SCG3: variants seen among roughly 807,000 people sequenced by gnomAD.
SCG3 encodes the protein secretogranin-3.
A neutral mutation model predicts 56.2 loss-of-function variants in SCG3; 38 were observed. The ratio of observed to expected loss-of-function variants is 0.68; its 90% confidence interval spans 0.52 to 0.89. The LOEUF is 0.89. Among genes scored for constraint, SCG3 ranks in the 40% least tolerant of loss-of-function variants. SCG3 has a pLI of 0.00. For missense variants in SCG3, 524 were observed against 540.7 expected (o/e 0.97, Z 0.31); for synonymous variants, 176 against 184.2 (o/e 0.96, Z 0.36).
intron 7 of SCG3, chr15:51,693,499 G>C (rs75488601): frequency 6.6e-6 from 1 of 152,272 alleles, no homozygotes; most frequent in African/African-American, 2.4e-5. Context: ...TGTGCAGTGA[G>C]TTAACTGAGG....
intron 10 of SCG3, among the ~76,000 whole-genome samples, chr15:51,706,444 G>C (rs182187168): frequency 1.5e-3 from 222 of 152,304 alleles, no homozygotes; most frequent in African/African-American, 5.2e-3. Context: ...GACATAGATA[G>C]AACAGGATCC....
rs1133882 is a variant in SCG3 at position 51,720,951 on chromosome 15, A to G, written c.*1425A>G. 0.48 allele frequency: 74,643 copies of G among 156,128 alleles called. 18,136 individuals are homozygous for G. Among genetic ancestry groups the G allele is most frequent in the Admixed American group, 0.55 (8,411 of 15,328 alleles). The allele number at this position is 156,128 out of a possible 1,614,324, so 9.7% of individuals were successfully genotyped here. On this transcript the variant is annotated 3_prime_UTR_variant, in exon 12 of 12. Coordinates refer to ENST00000220478, the MANE Select transcript of SCG3 (RefSeq NM_013243.4). ...AAATCTGGCCACCCCAGCCAGCAGC[A>G]GCAACCTGTTCAGGTCGCCTGCCGC...
At chr15:51,718,571 A>C (rs2055474476) in intron 11 of SCG3, among the ~76,000 whole-genome samples, 1 of 152,118 alleles carries the variant, frequency 6.6e-6, no homozygotes, top group Non-Finnish European at 1.5e-5. Context: ...CAACTAACAG[A>C]AAGCAGCGTT....
intron 10 of SCG3, among the ~76,000 whole-genome samples, chr15:51,706,476 G>T (rs1366192372): frequency 3.9e-5 from 6 of 152,106 alleles, no homozygotes; most frequent in Admixed American, 3.3e-4. Flanking sequence ...AAAGCTGGAG[G>T]ATGTTACAGA....
Position 51,689,314 on chromosome 15 carries a change from C to T in SCG3, c.636C>T (p.Pro212=), listed in dbSNP as rs955231129. The T allele has an allele frequency of 2.5e-6, 4 of 1,613,530 alleles. No homozygotes were observed. The African/African-American group carries it at 5.3e-5, about 22-fold the overall frequency. ...SKEANNYEED[P]NKPTSWTENQ... ...AAGCCAACAATTATGAGGAGGATCC[C>T]AATAAGCCCACAAGCTGGACTGAGA... The change falls in exon 6 of 12, where the codon CCC becomes CCT. Residue 212 remains proline, a synonymous_variant. Transcript: ENST00000220478.
At chr15:51,697,222 GCTTTGGGGTCTACTTTAT>G (rs2055309551) in intron 8 of SCG3, among the ~76,000 whole-genome samples, 16 of 142,978 alleles carry the variant, frequency 1.1e-4, no homozygotes, top group African/African-American at 4.8e-4. Context: ...TACACATAGT[GCTTTGGGGTCTACTTTAT>G]TGTTTTCACA....
At chr15:51,700,903 A>G (rs897444670) in intron 9 of SCG3, among the ~76,000 whole-genome samples, 1 of 152,124 alleles carries the variant, frequency 6.6e-6, no homozygotes, top group Admixed American at 6.5e-5. Flanking sequence ...GACTTTAGAC[A>G]TATCTCTCCC....
At chr15:51,685,342 G>C (rs1394626589) in intron 4 of SCG3, among the ~76,000 whole-genome samples, 3 of 152,202 alleles carry the variant, frequency 2.0e-5, no homozygotes, top group Non-Finnish European at 4.4e-5. Context: ...GAGTTGGCTG[G>C]ATTGGTCAAA....
At chr15:51,689,949 A>G (rs889114029) in intron 6 of SCG3, among the ~76,000 whole-genome samples, 4 of 152,232 alleles carry the variant, frequency 2.6e-5, no homozygotes, top group Admixed American at 2.6e-4. Context: ...AATAATACAT[A>G]ATAATATGTG....
intron 10 of SCG3, 104 bp downstream of exon 10, chr15:51,701,348 A>T: frequency 8.6e-7 from 1 of 1,163,390 alleles, no homozygotes; most frequent in Non-Finnish European, 1.2e-6. Context: ...ACATCTGAGA[A>T]ATTGACACAA....
chr15:51,698,552 T>A (rs1443147816), intron 8 of SCG3, among the ~76,000 whole-genome samples: 8 of 152,198 alleles, frequency 5.3e-5, no homozygotes, highest in Admixed American at 5.2e-4. Context: ...GAAATCAAAC[T>A]GTTTGGCTTA....
intron 10 of SCG3, among the ~76,000 whole-genome samples, chr15:51,710,312 T>A (rs1223032777): frequency 1.3e-5 from 2 of 152,046 alleles, no homozygotes; most frequent in Non-Finnish European, 2.9e-5. Flanking sequence ...AAATAAAGCA[T>A]GAAAGAGGAG....
chr15:51,688,303 C>T lies in SCG3; in HGVS notation c.441C>T (p.Thr147=), dbSNP rs747077628. 1.9e-5 allele frequency: 31 copies of T among 1,613,540 alleles called. No individual in the cohort carries two copies. Among genetic ancestry groups the T allele is most frequent in the Middle Eastern group, 1.6e-4 (1 of 6,082 alleles). The change falls in exon 5 of 12, where the codon ACC becomes ACT. Residue 147 remains threonine (T), a synonymous_variant. Coordinates refer to ENST00000220478, the MANE Select transcript of SCG3 (RefSeq NM_013243.4). ...GLHQLDGTPL[T]AEDIVHKIAA... ...ATCAACTAGACGGGACTCCTTTAAC[C>T]GCTGAAGACATTGTCCATAAAATCG...
In SCG3 at chr15:51,688,554, T is replaced by A. The variant is rs961871306; in HGVS notation, c.540+152T>A. On this transcript the variant is annotated intron_variant, in intron 5 of 11. Coordinates refer to ENST00000220478, the MANE Select transcript of SCG3 (RefSeq NM_013243.4). ...TTTAAGGACAAGCAAAGCACCATTC[T>A]TTTTTTTCTAGGAGTTTATCATCCA... 5 of 624,352 alleles carry A rather than the reference T, an allele frequency of 8.0e-6. No individual in the cohort carries two copies. The African/African-American group carries it at 9.4e-5, about 12-fold the overall frequency. The allele number at this position is 624,352 out of a possible 1,614,324, so 38.7% of individuals were successfully genotyped here.
At chr15:51,687,993 A>C (rs988041460) in intron 4 of SCG3, among the ~76,000 whole-genome samples, 1 of 152,190 alleles carries the variant, frequency 6.6e-6, no homozygotes, top group Non-Finnish European at 1.5e-5. Flanking sequence ...GATAACAATA[A>C]ATGGAGACTA....
At chr15:51,693,673 T>C (rs1174817896) in intron 7 of SCG3, 1 of 152,264 alleles carries the variant, frequency 6.6e-6, no homozygotes, top group Non-Finnish European at 1.5e-5. Flanking sequence ...ACTTCTATAA[T>C]TGTAATCTAT....
rs2055486770 is a variant in SCG3, at chr15:51,720,103, T to C, written c.*577T>C. ...AGGATCCAGGTAAATGGGTATAGGA[T>C]TTGCTGGATTTACTAACAATTTCCC... On this transcript the variant is annotated 3_prime_UTR_variant, in exon 12 of 12. Coordinates refer to ENST00000220478, the MANE Select transcript of SCG3 (RefSeq NM_013243.4). 6.6e-6 allele frequency: 1 copy of C among 152,290 alleles called. No individual in the cohort carries two copies. Among genetic ancestry groups the C allele is most frequent in the Non-Finnish European group, 1.5e-5 (1 of 68,108 alleles). The allele number at this position is 152,290 out of a possible 1,614,324, so 9.4% of individuals were successfully genotyped here.
intron 10 of SCG3, among the ~76,000 whole-genome samples, chr15:51,706,744 G>T (rs538821189): frequency 6.6e-6 from 1 of 152,012 alleles, no homozygotes; most frequent in East Asian, 1.9e-4. Context: ...TACAAAGCAC[G>T]TTTCTATGAA....
intron 4 of SCG3, among the ~76,000 whole-genome samples, chr15:51,686,239 A>C (rs1440927811): frequency 6.6e-6 from 1 of 152,216 alleles, no homozygotes; most frequent in African/African-American, 2.4e-5. Flanking sequence ...ATTTTAGAAT[A>C]GTGAAGGAAA....
Sources: allele counts gnomAD v4.1 joint callset (sites outside exome capture counted in the v4.1 genomes callset), GRCh38; gene constraint gnomAD v4.1.1; transcripts MANE v1.5; gene names NCBI Gene and HGNC (gene_info 2026-07-23, HGNC 2026-07-21).